Variants in GRIK2 observed in about 807,000 individuals in gnomAD.
GRIK2 encodes the protein glutamate ionotropic receptor kainate type subunit 2.
A neutral mutation model predicts 100.3 loss-of-function variants in GRIK2; 32 were observed. The ratio of observed to expected loss-of-function variants is 0.32; its 90% CI spans 0.24 to 0.43. The LOEUF (loss-of-function observed/expected upper bound fraction) is 0.43, where lower values mean the gene tolerates loss of function less well. GRIK2 is among the 20% of genes least tolerant of loss of function. The probability of loss-of-function intolerance (pLI) is 1.00; values close to 1 mark genes in which losing one functional copy is unlikely to be tolerated. For synonymous variants in GRIK2, 417 were observed against 389.4 expected (o/e 1.07, Z -0.83); for missense variants, 843 against 1,114.9 (o/e 0.76, Z 3.47).
At chr6:101,611,156 A>C (rs1334542513) in intron 2 of GRIK2, among the ~76,000 whole-genome samples, 1 of 151,850 alleles carries the variant, frequency 6.6e-6, no homozygotes, top group Non-Finnish European at 1.5e-5. Flanking sequence ...AAAGTGTAGG[A>C]GCTTTGTCAA....
intron 7 of GRIK2, among the ~76,000 whole-genome samples, chr6:101,788,645 A>C (rs1007697893): frequency 6.6e-6 from 1 of 152,098 alleles, no homozygotes. Flanking sequence ...AGTCTTTGCT[A>C]TTGTGAATAG....
chr6:101,758,854 G>T (rs141066968), intron 7 of GRIK2, among the ~76,000 whole-genome samples: 32 of 152,036 alleles, frequency 2.1e-4, no homozygotes, highest in East Asian at 1.7e-3. Context: ...GCTTTTTGGA[G>T]ACAAAATAAA....
chr6:102,046,958 C>A (rs957947525), intron 15 of GRIK2, among the ~76,000 whole-genome samples: 13 of 152,126 alleles, frequency 8.5e-5, no homozygotes, highest in Admixed American at 8.5e-4. Context: ...TGCTCCTGAA[C>A]AACTAGTAGG....
At chr6:101,701,764 C>A (rs1772914177) in intron 7 of GRIK2, among the ~76,000 whole-genome samples, 1 of 151,966 alleles carries the variant, frequency 6.6e-6, no homozygotes, top group Non-Finnish European at 1.5e-5. Flanking sequence ...ATAATTTGAA[C>A]ATTTACTATT....
At chr6:101,963,165 A>G (rs950618737) in intron 14 of GRIK2, among the ~76,000 whole-genome samples, 7 of 149,578 alleles carry the variant, frequency 4.7e-5, no homozygotes, top group African/African-American at 1.7e-4. Flanking sequence ...TTCTTGTGTA[A>G]CATTTTAATT....
At chr6:101,984,656 C>CACACACACACACACACACACA in intron 14 of GRIK2, among the ~76,000 whole-genome samples, 1 of 127,344 alleles carries the variant, frequency 7.9e-6, no homozygotes, top group East Asian at 2.0e-4. Flanking sequence ...CACACACACA[C>CACACACACACACACACACACA]CCTTCAACTT....
chr6:101,795,395 G>T (rs9498710), intron 7 of GRIK2, among the ~76,000 whole-genome samples: 1 of 152,286 alleles, frequency 6.6e-6, no homozygotes, highest in Non-Finnish European at 1.5e-5. Flanking sequence ...GTGCCAGGTA[G>T]TTCAGTCCTG....
At chr6:101,399,702 C>G (rs1451192854) in intron 2 of GRIK2, among the ~76,000 whole-genome samples, 1 of 152,178 alleles carries the variant, frequency 6.6e-6, no homozygotes, top group Admixed American at 6.5e-5. Flanking sequence ...CCGCCTGTCT[C>G]CCCCGGCGCC....
rs191144848 is a variant in GRIK2, at chr6:101,978,882, C to T, written c.2085+50250C>T. Among the ~76,000 whole-genome samples the T allele has an allele frequency of 4.6e-5, 7 of 152,030 alleles. No individual in the cohort carries two copies. The East Asian group carries it at 1.2e-3, about 25-fold the overall frequency. On this transcript the variant is annotated intron_variant, in intron 14 of 16. Coordinates refer to ENST00000369134, the MANE Select transcript of GRIK2 (RefSeq NM_021956.5). ...CTGCTGTCTCTAAATCTCCCCTCTC[C>T]CCCAGTTTCTAATACTACTTAATGG...
At chr6:101,657,331 C>T (rs1465701839) in intron 4 of GRIK2, among the ~76,000 whole-genome samples, 1 of 152,126 alleles carries the variant, frequency 6.6e-6, no homozygotes, top group Admixed American at 6.5e-5. Flanking sequence ...GTCCTGCCGC[C>T]ATGTAAGATG....
At chr6:102,061,356 T>C (rs1284634064) in intron 16 of GRIK2, among the ~76,000 whole-genome samples, 2 of 150,656 alleles carry the variant, frequency 1.3e-5, no homozygotes, top group African/African-American at 4.8e-5. Flanking sequence ...ATAGTACAGA[T>C]GAGGATAATA....
chr6:101,416,950 G>A (rs1409423379), intron 2 of GRIK2, among the ~76,000 whole-genome samples: 1 of 152,130 alleles, frequency 6.6e-6, no homozygotes, highest in Non-Finnish European at 1.5e-5. Context: ...CAATGTTAGT[G>A]CAGCAAAAAT....
At chr6:101,991,570 A>G (rs930274481) in intron 14 of GRIK2, among the ~76,000 whole-genome samples, 3 of 151,308 alleles carry the variant, frequency 2.0e-5, no homozygotes, top group Non-Finnish European at 4.4e-5. Context: ...TAATGTACCA[A>G]TGGAAAATTC....
At chr6:101,610,136 T>C (rs1363626992) in intron 2 of GRIK2, among the ~76,000 whole-genome samples, 1 of 151,486 alleles carries the variant, frequency 6.6e-6, no homozygotes, top group Non-Finnish European at 1.5e-5. Context: ...CATTTATATA[T>C]AATAGTAAAT....
intron 7 of GRIK2, among the ~76,000 whole-genome samples, chr6:101,737,731 G>A (rs769966402): frequency 2.6e-4 from 39 of 152,294 alleles, no homozygotes; most frequent in Admixed American, 1.2e-3. Context: ...TTTGCACTAT[G>A]TTTTAATGAG....
intron 12 of GRIK2, among the ~76,000 whole-genome samples, chr6:101,912,898 G>A (rs76200105): frequency 0.086 from 13,094 of 151,508 alleles, 776 homozygotes; most frequent in Middle Eastern, 0.2. Flanking sequence ...GTAATGCAAA[G>A]CTCATTTAAA....
At chr6:102,028,697 A>T (rs916193397) in intron 14 of GRIK2, among the ~76,000 whole-genome samples, 1 of 150,426 alleles carries the variant, frequency 6.6e-6, no homozygotes, top group Non-Finnish European at 1.5e-5. Flanking sequence ...TCTGTATAAT[A>T]TAACTATAAG....
At chr6:101,943,234 T>C (rs2128476342) in intron 14 of GRIK2, among the ~76,000 whole-genome samples, 1 of 152,238 alleles carries the variant, frequency 6.6e-6, no homozygotes, top group African/African-American at 2.4e-5. Flanking sequence ...AAGAATGAGG[T>C]TTGGAATCTT....
At chr6:101,894,219 A>T (rs1208659302) in intron 12 of GRIK2, among the ~76,000 whole-genome samples, 1 of 151,764 alleles carries the variant, frequency 6.6e-6, no homozygotes, top group Non-Finnish European at 1.5e-5. Flanking sequence ...TCACATGTTA[A>T]GAAAAAATAT....
Sources: allele counts gnomAD v4.1 joint callset (sites outside exome capture counted in the v4.1 genomes callset), GRCh38; gene constraint gnomAD v4.1.1; transcripts MANE v1.5; gene names NCBI Gene and HGNC (gene_info 2026-07-23, HGNC 2026-07-21).